The following CNTNAP2 variants were observed in gnomAD, a reference collection of about 807,000 sequenced individuals.
CNTNAP2 encodes contactin associated protein 2.
In CNTNAP2, 98 loss-of-function variants were observed where a neutral mutation model predicts 155.2. That is an observed-to-expected ratio of 0.63 (90% CI 0.54 to 0.75). The LOEUF (loss-of-function observed/expected upper bound fraction) is 0.75. CNTNAP2 is among the 30% of genes least tolerant of loss of function. The probability of loss-of-function intolerance (pLI) is 0.00; values close to 1 mark genes in which losing one functional copy is unlikely to be tolerated. For synonymous variants in CNTNAP2, 651 were observed against 631.2 expected (o/e 1.03, Z -0.47); for missense variants, 1,727 against 1,688.1 (o/e 1.02, Z -0.40).
At chr7:148,239,983 C>G (rs1424041148) in intron 20 of CNTNAP2, among the ~76,000 whole-genome samples, 1 of 152,212 alleles carries the variant, frequency 6.6e-6, no homozygotes, top group Non-Finnish European at 1.5e-5. Flanking sequence ...TCTCTTACCC[C>G]TGCCTACCAC....
chr7:146,245,092 C>A lies in CNTNAP2; in HGVS notation c.97+128119C>A, dbSNP rs546337624. ...GTGGCTTGTACTATAGCATAGCCTG[C>A]CTTTGCTTGTGTGTGGCGATTAGGC... On this transcript the variant is annotated intron_variant, in intron 1 of 23. Coordinates refer to ENST00000361727, the MANE Select transcript of CNTNAP2 (RefSeq NM_014141.6). Among the ~76,000 whole-genome samples the A allele has an allele frequency of 2.1e-3, 320 of 152,180 alleles. 4 individuals carry two copies. Among genetic ancestry groups the A allele is most frequent in the Non-Finnish European group, 1.4e-3 (98 of 68,022 alleles).
At chr7:147,397,981 C>T (rs904470781) in intron 10 of CNTNAP2, among the ~76,000 whole-genome samples, 1 of 151,868 alleles carries the variant, frequency 6.6e-6, no homozygotes, top group African/African-American at 2.4e-5. Flanking sequence ...TTTTTTAAGG[C>T]AACAACATCT....
At chr7:146,591,111 T>C (rs1798776142) in intron 1 of CNTNAP2, among the ~76,000 whole-genome samples, 1 of 152,192 alleles carries the variant, frequency 6.6e-6, no homozygotes, top group Non-Finnish European at 1.5e-5. Flanking sequence ...ATACAAGCTT[T>C]GTTTCATGCA....
chr7:146,839,721 A>G lies in CNTNAP2; in HGVS notation c.219A>G (p.Gly73=). The stretch of plus-strand genomic sequence containing the variant: ...TCTGCCCATCTTCAGGTGCTGGGGG[A>G]TGGTCTCCATCAGACAGCGACCATT... ...AKINKRGGAG[G]WSPSDSDHYQ... Residue 73 remains glycine (G), a synonymous_variant, in exon 3 of 24, where the codon GGA becomes GGG. Coordinates refer to ENST00000361727, the MANE Select transcript of CNTNAP2 (RefSeq NM_014141.6). 1 of 1,614,074 alleles carries G rather than the reference A, an allele frequency of 6.2e-7. No homozygotes were observed. The highest frequency in any genetic ancestry group is 2.2e-5 in the East Asian group (1 of 44,874).
At chr7:148,182,852 A>C (rs1160698407) in intron 18 of CNTNAP2, among the ~76,000 whole-genome samples, 1 of 152,216 alleles carries the variant, frequency 6.6e-6, no homozygotes, top group Non-Finnish European at 1.5e-5. Flanking sequence ...CTTGACTAAC[A>C]ATACTTTCTA....
chr7:146,703,923 T>C (rs557317193), intron 1 of CNTNAP2, among the ~76,000 whole-genome samples: 4 of 152,246 alleles, frequency 2.6e-5, no homozygotes, highest in African/African-American at 9.6e-5. Flanking sequence ...CTTCTTTATT[T>C]TAATTTTTTT....
chr7:146,151,485 TGTG>T (rs1798036962), intron 1 of CNTNAP2, among the ~76,000 whole-genome samples: 1 of 150,470 alleles, frequency 6.6e-6, no homozygotes, highest in Non-Finnish European at 1.5e-5. Flanking sequence ...AATGAGATCA[TGTG>T]GTTTTTGTCT....
chr7:148,316,187 G>A (rs1797685741), intron 21 of CNTNAP2, among the ~76,000 whole-genome samples: 1 of 152,134 alleles, frequency 6.6e-6, no homozygotes, highest in Non-Finnish European at 1.5e-5. Context: ...ATTAAAAATG[G>A]GAAGCTGGCT....
intron 8 of CNTNAP2, among the ~76,000 whole-genome samples, chr7:147,151,786 G>T (rs1223222755): frequency 6.6e-5 from 10 of 152,086 alleles, no homozygotes; most frequent in Non-Finnish European, 8.8e-5. Flanking sequence ...TCCTTTTAGG[G>T]ATTTTTTTAA....
At chr7:148,163,777 C>T (rs1805596125) in intron 17 of CNTNAP2, among the ~76,000 whole-genome samples, 1 of 152,216 alleles carries the variant, frequency 6.6e-6, no homozygotes, top group Admixed American at 6.5e-5. Flanking sequence ...CTGATCAATA[C>T]TTGTCAATCA....
intron 1 of CNTNAP2, among the ~76,000 whole-genome samples, chr7:146,452,202 C>T (rs963183986): frequency 6.6e-6 from 1 of 151,920 alleles, no homozygotes; most frequent in African/African-American, 2.4e-5. Flanking sequence ...CCACTGCGCC[C>T]GGCCTCTTCT....
At chr7:147,960,248 G>A (rs1266694304) in intron 14 of CNTNAP2, among the ~76,000 whole-genome samples, 2 of 152,134 alleles carry the variant, frequency 1.3e-5, no homozygotes, top group Non-Finnish European at 2.9e-5. Flanking sequence ...GCTAGGAGAG[G>A]TAGATGAATT....
intron 1 of CNTNAP2, among the ~76,000 whole-genome samples, chr7:146,388,460 T>A (rs550380967): frequency 6.6e-6 from 1 of 151,882 alleles, no homozygotes; most frequent in Non-Finnish European, 1.5e-5. Flanking sequence ...TGTGGGTATA[T>A]AGTAGGTGTA....
rs111891703 is a variant in CNTNAP2 at position 147,374,449 on chromosome 7, G to A, written c.1499-21160G>A. Among the ~76,000 whole-genome samples the A allele has an allele frequency of 4.7e-4, 71 of 151,930 alleles. 1 individual carries two copies. The highest frequency in any genetic ancestry group is 1.6e-3 in the African/African-American group (66 of 41,456). ...CCTACCATTGCATTTATTTGAAATCGACACTTGTGTTTTAGTTCATTTTTA... is the reference window on the plus strand; with the variant it reads ...CCTACCATTGCATTTATTTGAAATCAACACTTGTGTTTTAGTTCATTTTTA... On this transcript the variant is annotated intron_variant, in intron 9 of 23. Coordinates refer to ENST00000361727, the MANE Select transcript of CNTNAP2 (RefSeq NM_014141.6).
intron 4 of CNTNAP2, chr7:147,080,954 T>C (rs1036059296): frequency 5.9e-5 from 9 of 152,056 alleles, no homozygotes; most frequent in African/African-American, 1.7e-4. Flanking sequence ...ATATTGTTTA[T>C]TTCTCCTCAT....
intron 3 of CNTNAP2, among the ~76,000 whole-genome samples, chr7:146,902,247 T>C (rs1796019337): frequency 6.6e-6 from 1 of 152,034 alleles, no homozygotes; most frequent in African/African-American, 2.4e-5. Flanking sequence ...GTAGGGGAGA[T>C]TGTGGCTTTC....
At chr7:147,366,426 C>G (rs1464573965) in intron 9 of CNTNAP2, among the ~76,000 whole-genome samples, 1 of 151,634 alleles carries the variant, frequency 6.6e-6, no homozygotes, top group Non-Finnish European at 1.5e-5. Context: ...ATCTAATTTT[C>G]TCATAATTTC....
intron 1 of CNTNAP2, among the ~76,000 whole-genome samples, chr7:146,172,032 A>ATTTTTTTTT (rs61619996): frequency 1.3e-4 from 9 of 67,610 alleles, no homozygotes; most frequent in Admixed American, 2.0e-4. Context: ...TGCTCTTAGT[A>ATTTTTTTTT]TTTTTTTTTT....
chr7:146,642,379 A>T, intron 1 of CNTNAP2, among the ~76,000 whole-genome samples: 1 of 140,786 alleles, frequency 7.1e-6, no homozygotes, highest in Non-Finnish European at 1.5e-5. Context: ...TCATTCTTCA[A>T]TTCCCACCTA....
Sources: gnomAD v4.1 joint callset for allele counts (sites outside exome capture counted in the v4.1 genomes callset) on GRCh38, gnomAD v4.1.1 for gene constraint, MANE v1.5 for transcripts, NCBI Gene and HGNC (gene_info 2026-07-23, HGNC 2026-07-21) for gene names.